The following SCAMP2 variants were observed in gnomAD, a reference collection of about 807,000 sequenced individuals.
The protein encoded by SCAMP2 is secretory carrier-associated membrane protein 2.
SCAMP2 carries 25 observed loss-of-function variants against 44.1 expected under a neutral mutation model. The observed-to-expected ratio is 0.57, with a 90% CI of 0.41 to 0.79. SCAMP2 has a LOEUF of 0.79. SCAMP2 is among the 30% of genes least tolerant of loss of function. The pLI, the probability that SCAMP2 is intolerant of heterozygous loss-of-function variation, is 0.00. For synonymous variants in SCAMP2, 156 were observed against 166.0 expected (o/e 0.94, Z 0.46); for missense variants, 355 against 411.0 (o/e 0.86, Z 1.18).
In SCAMP2 at chr15:74,852,268, C is replaced by A. The variant is rs868844067; in HGVS notation, c.226-82G>T. The A allele has an allele frequency of 4.9e-6, 5 of 1,022,202 alleles. No homozygotes were observed. The African/African-American group carries it at 6.6e-5, about 14-fold the overall frequency. 63.3% of individuals were successfully genotyped at this position (1,022,202 alleles called of 1,614,324 possible). On this transcript the variant is annotated intron_variant, in intron 3 of 8. Transcript: ENST00000268099. ...CAGCCTGGGTAGGCAGGCAGAGAGG[C>A]CTTGCCCCAGGCAGGGACAGCCATC...
At chr15:74,847,222 G>A (rs1416741888) in intron 7 of SCAMP2, among the ~76,000 whole-genome samples, 1 of 151,142 alleles carries the variant, frequency 6.6e-6, no homozygotes, top group African/African-American at 2.4e-5. Flanking sequence ...CTCCCAAGTA[G>A]CTGGGATTAT....
intron 1 of SCAMP2, among the ~76,000 whole-genome samples, chr15:74,866,845 G>A (rs915926010): frequency 6.7e-6 from 1 of 150,046 alleles, no homozygotes; most frequent in Non-Finnish European, 1.5e-5. Flanking sequence ...CATGCAGGCT[G>A]GGGGGCAGTG....
intron 8 of SCAMP2, 75 bp downstream of exon 8, chr15:74,845,398 A>C: frequency 1.2e-6 from 2 of 1,610,882 alleles, no homozygotes; most frequent in South Asian, 1.1e-5. Flanking sequence ...AGTGGTGAAA[A>C]ACATCTCGTG....
chr15:74,855,799 C>G (rs372914845), intron 1 of SCAMP2, among the ~76,000 whole-genome samples: 2 of 151,112 alleles, frequency 1.3e-5, no homozygotes, highest in African/African-American at 4.9e-5. Context: ...TTTATTAAAT[C>G]GGGCACACTT....
intron 1 of SCAMP2, among the ~76,000 whole-genome samples, chr15:74,869,749 A>T (rs916178917): frequency 1.3e-5 from 2 of 152,216 alleles, no homozygotes; most frequent in Non-Finnish European, 2.9e-5. Flanking sequence ...ATATTTTTGC[A>T]ATCCACCATT....
intron 7 of SCAMP2, 149 bp downstream of exon 7, chr15:74,848,451 C>T (rs1230086797): frequency 3.5e-6 from 2 of 567,914 alleles, no homozygotes; most frequent in Non-Finnish European, 6.3e-6. Flanking sequence ...AGAGAAGGCC[C>T]AAAGCAGATC....
intron 3 of SCAMP2, chr15:74,852,456 C>A: frequency 3.0e-6 from 1 of 333,392 alleles, no homozygotes. Context: ...GGGAAAACTA[C>A]CCCCATTGGC....
At chr15:74,864,162 A>G (rs1014124316) in intron 1 of SCAMP2, among the ~76,000 whole-genome samples, 3 of 152,112 alleles carry the variant, frequency 2.0e-5, no homozygotes, top group African/African-American at 7.2e-5. Flanking sequence ...CCCAGGTTCA[A>G]GTGATTCTCC....
At chr15:74,865,667 G>A (rs1240015549) in intron 1 of SCAMP2, among the ~76,000 whole-genome samples, 1 of 148,634 alleles carries the variant, frequency 6.7e-6, no homozygotes. Context: ...TGAAGTCATA[G>A]AAATGAAGGT....
chr15:74,844,878 TG>T lies in SCAMP2; in HGVS notation c.*204del. The T allele has an allele frequency of 1.8e-6, 1 of 549,342 alleles. No individual in the cohort carries two copies. Among genetic ancestry groups the T allele is most frequent in the Admixed American group, 3.2e-5 (1 of 31,444 alleles). The allele number at this position is 549,342 out of a possible 1,614,324, so 34.0% of individuals were successfully genotyped here. ...ATCACCAGAGAAGGAAAGAGAGCTT[TG>T]TTTTTTTTTGTACATAGAGGGGGAA... On this transcript the variant is annotated 3_prime_UTR_variant, in exon 9 of 9. Coordinates refer to ENST00000268099, the MANE Select transcript of SCAMP2 (RefSeq NM_005697.5).
chr15:74,862,670 T>C (rs187064356), intron 1 of SCAMP2, among the ~76,000 whole-genome samples: 65 of 151,396 alleles, frequency 4.3e-4, no homozygotes, highest in African/African-American at 1.5e-3. Context: ...AATATGGTCA[T>C]GTTATTTTGA....
At chr15:74,856,582 C>CT (rs561034044) in intron 1 of SCAMP2, among the ~76,000 whole-genome samples, 1,736 of 137,982 alleles carry the variant, frequency 0.013, 41 homozygotes, top group Admixed American at 0.059. Context: ...GCCTCCAGTT[C>CT]TTTTTTTTTT....
intron 2 of SCAMP2, among the ~76,000 whole-genome samples, 178 bp from the exon 3 acceptor site, chr15:74,854,297 A>G (rs2064454191): frequency 6.6e-6 from 1 of 152,128 alleles, no homozygotes; most frequent in Non-Finnish European, 1.5e-5. Flanking sequence ...AGGCCATCTG[A>G]TCCCTAACCC....
At chr15:74,856,880 G>A (rs1596417711) in intron 1 of SCAMP2, among the ~76,000 whole-genome samples, 2 of 152,150 alleles carry the variant, frequency 1.3e-5, no homozygotes, top group Non-Finnish European at 2.9e-5. Flanking sequence ...ACAAATGTGA[G>A]CCACCTTGCC....
chr15:74,867,620 T>C (rs1347541923), intron 1 of SCAMP2, among the ~76,000 whole-genome samples: 2 of 152,256 alleles, frequency 1.3e-5, no homozygotes, highest in Admixed American at 1.3e-4. Flanking sequence ...CAACCCTCTC[T>C]GGGAAGGTCC....
chr15:74,860,588 T>G (rs1387570742), intron 1 of SCAMP2, among the ~76,000 whole-genome samples: 1 of 149,920 alleles, frequency 6.7e-6, no homozygotes, highest in Non-Finnish European at 1.5e-5. Flanking sequence ...CTTGGAAGGC[T>G]GAGGCAGGAG....
intron 1 of SCAMP2, among the ~76,000 whole-genome samples, chr15:74,862,853 TACACACACACACAC>T (rs112611741): frequency 3.3e-4 from 29 of 87,506 alleles, no homozygotes; most frequent in East Asian, 2.2e-3. Flanking sequence ...AAACAAACCA[TACACACACACACAC>T]ACACACACAC....
At chr15:74,863,038 G>T (rs896695815) in intron 1 of SCAMP2, among the ~76,000 whole-genome samples, 2 of 151,504 alleles carry the variant, frequency 1.3e-5, no homozygotes, top group African/African-American at 2.4e-5. Context: ...ATGAAACCCC[G>T]TCTCTACAGA....
chr15:74,852,513 G>A, intron 3 of SCAMP2: 1 of 236,026 alleles, frequency 4.2e-6, no homozygotes, highest in Non-Finnish European at 8.1e-6. Flanking sequence ...CTCAGTGATT[G>A]TGACCTTTGG....
Sources: allele counts gnomAD v4.1 joint callset (sites outside exome capture counted in the v4.1 genomes callset), GRCh38; gene constraint gnomAD v4.1.1; transcripts MANE v1.5; gene names NCBI Gene and HGNC (gene_info 2026-07-23, HGNC 2026-07-21).